BTBD2: variants seen among roughly 807,000 people sequenced by gnomAD.
The protein encoded by BTBD2 is BTB domain containing 2.
In BTBD2, 15 loss-of-function variants were observed where a neutral mutation model predicts 44.0. The observed-to-expected ratio is 0.34, with a 90% confidence interval of 0.23 to 0.53. The LOEUF (loss-of-function observed/expected upper bound fraction) is 0.53. BTBD2 is among the 20% of genes least tolerant of loss of function. BTBD2 has a pLI of 0.95. For missense variants in BTBD2, 657 were observed against 746.4 expected (o/e 0.88, Z 1.39); for synonymous variants, 443 against 335.9 (o/e 1.32, Z -3.49).
intron 1 of BTBD2, among the ~76,000 whole-genome samples, chr19:2,010,623 T>C (rs1174180346): frequency 6.7e-6 from 1 of 149,186 alleles, no homozygotes; most frequent in African/African-American, 2.4e-5. Flanking sequence ...CACCCCCAGT[T>C]CGTCCCGACA....
intron 1 of BTBD2, among the ~76,000 whole-genome samples, chr19:2,002,065 AT>A (rs530593681): frequency 6.9e-4 from 104 of 151,670 alleles, no homozygotes; most frequent in African/African-American, 2.5e-3. Flanking sequence ...TAAATCTTTC[AT>A]TTATTTTTAT....
intron 2 of BTBD2, among the ~76,000 whole-genome samples, chr19:1,995,299 TGAGAGGGAGTC>T (rs2016236564): frequency 8.4e-6 from 1 of 118,828 alleles, no homozygotes; most frequent in African/African-American, 3.6e-5. Context: ...TTTTTTTTTT[TGAGAGGGAGTC>T]TTGCTCTGTT....
chr19:2,014,263 G>A (rs897564988), intron 1 of BTBD2: 5 of 152,360 alleles, frequency 3.3e-5, no homozygotes, highest in Non-Finnish European at 5.8e-5. Flanking sequence ...GGGATGGAGG[G>A]GTCCTGAGGA....
chr19:1,992,729 G>A (rs1284170818), intron 3 of BTBD2, among the ~76,000 whole-genome samples: 2 of 151,974 alleles, frequency 1.3e-5, no homozygotes, highest in Admixed American at 6.5e-5. Flanking sequence ...CCGCCACCAC[G>A]CCCGGCTCTT....
chr19:2,013,410 G>A (rs1216658086), intron 1 of BTBD2: 1 of 679,530 alleles, frequency 1.5e-6, no homozygotes, highest in Non-Finnish European at 1.8e-6. Context: ...GCTGGGGAGG[G>A]AGGGACCCCG....
intron 1 of BTBD2, among the ~76,000 whole-genome samples, chr19:1,998,486 G>T (rs1462738262): frequency 6.6e-6 from 1 of 152,218 alleles, no homozygotes; most frequent in East Asian, 1.9e-4. Flanking sequence ...TGGCTGTGAG[G>T]ACGCTGGGGG....
Position 1,990,001 on chromosome 19 carries a change from T to TA in BTBD2, c.988+2dup. Reference sequence around the variant, plus strand: ...ACCAGCCCCTGAGCCCGAGCTCTGTTACCTGCAGCGAACTCCTCGATGGTC... The same window carrying TA: ...ACCAGCCCCTGAGCCCGAGCTCTGTTAACCTGCAGCGAACTCCTCGATGGTC... On this transcript the variant is annotated splice_region_variant and intron_variant, in intron 5 of 8. Coordinates refer to ENST00000255608, the MANE Select transcript of BTBD2 (RefSeq NM_017797.4). 2 of 1,613,156 alleles carry TA rather than the reference T, an allele frequency of 1.2e-6. No individual in the cohort carries two copies. The highest frequency in any genetic ancestry group is 1.7e-6 in the Non-Finnish European group (2 of 1,179,972).
chr19:2,000,583 G>A (rs1365827331), intron 1 of BTBD2, among the ~76,000 whole-genome samples: 2 of 152,142 alleles, frequency 1.3e-5, no homozygotes, highest in Admixed American at 1.3e-4. Flanking sequence ...GGAGACACCT[G>A]CATGGGCCTT....
At chr19:2,012,153 C>CCCTTAGACT (rs1568224210) in intron 1 of BTBD2, among the ~76,000 whole-genome samples, 10 of 145,238 alleles carry the variant, frequency 6.9e-5, no homozygotes, top group African/African-American at 2.3e-4. Flanking sequence ...CGCGCCCAGC[C>CCCTTAGACT]TGTCCTTTAT....
At chr19:2,011,396 A>G (rs2016462876) in intron 1 of BTBD2, among the ~76,000 whole-genome samples, 1 of 151,570 alleles carries the variant, frequency 6.6e-6, no homozygotes, top group Non-Finnish European at 1.5e-5. Flanking sequence ...TTCCACCCTC[A>G]ATGCGGATCT....
Position 1,993,011 on chromosome 19 carries a change from C to G in BTBD2, c.684+9G>C. ...GGCCCCGCCCCCGCCTCGTACCGGC[C>G]CCGCCCACCTGCGTGAGCAGCATGA... On this transcript the variant is annotated intron_variant, in intron 3 of 8. Transcript: ENST00000255608. 1 of 1,570,906 alleles carries G rather than the reference C, an allele frequency of 6.4e-7. No homozygotes were observed. The highest frequency in any genetic ancestry group is 8.6e-7 in the Non-Finnish European group (1 of 1,166,154).
chr19:1,987,477 C>A (rs769050084), intron 6 of BTBD2, 23 bp downstream of exon 6: 5 of 1,539,752 alleles, frequency 3.2e-6, no homozygotes, highest in Admixed American at 2.0e-5. Context: ...TCCGGACCCC[C>A]CCGCCTGCAC....
At chr19:2,015,260 G>T in intron 1 of BTBD2, 37 bp downstream of exon 1, 1 of 1,522,062 alleles carries the variant, frequency 6.6e-7, no homozygotes, top group East Asian at 2.5e-5. Context: ...CAGGCTGGGT[G>T]GGTCGGGGCC....
chr19:2,012,809 T>A (rs2016483686), intron 1 of BTBD2, among the ~76,000 whole-genome samples: 1 of 152,134 alleles, frequency 6.6e-6, no homozygotes, highest in Non-Finnish European at 1.5e-5. Flanking sequence ...CAGCGGTCCC[T>A]CAAGTGCAAT....
At chr19:2,007,356 T>G (rs1221176163) in intron 1 of BTBD2, among the ~76,000 whole-genome samples, 1 of 152,216 alleles carries the variant, frequency 6.6e-6, no homozygotes, top group Non-Finnish European at 1.5e-5. Flanking sequence ...TGGCTTTTTG[T>G]GCTGCTACGG....
At chr19:1,999,831 G>GGCA (rs1327779567) in intron 1 of BTBD2, among the ~76,000 whole-genome samples, 1 of 151,882 alleles carries the variant, frequency 6.6e-6, no homozygotes, top group Non-Finnish European at 1.5e-5. Context: ...GCGTGGTGGT[G>GGCA]GGTGCCTGTA....
chr19:2,015,078 G>A (rs1313170888), intron 1 of BTBD2, among the ~76,000 whole-genome samples: 1 of 150,270 alleles, frequency 6.7e-6, no homozygotes, highest in African/African-American at 2.5e-5. Context: ...GGGACAGAGG[G>A]GTGCAGGGCC....
intron 1 of BTBD2, among the ~76,000 whole-genome samples, chr19:2,006,986 C>G (rs1209401916): frequency 2.6e-5 from 4 of 151,996 alleles, no homozygotes; most frequent in Non-Finnish European, 5.9e-5. Context: ...GCCTCCCAAG[C>G]AGCTGGGATT....
rs2016155981 is a variant in BTBD2 at position 1,990,259 on chromosome 19, AGG to A, written c.791-60_791-59del. ...GACACCCACATGCCCACCCTGCAGG[AGG>A]CAGTGAGACTAACGTGAGGACCAGC... is the stretch of plus-strand genomic sequence containing the variant. On this transcript the variant is annotated intron_variant, in intron 4 of 8. Transcript: ENST00000255608. The A allele has an allele frequency of 1.7e-5, 26 of 1,529,686 alleles. No homozygotes were observed. The East Asian group carries it at 6.1e-4, about 36-fold the overall frequency. The allele number at this position is 1,529,686 out of a possible 1,614,324, so 94.8% of individuals were successfully genotyped here. A position where few individuals can be genotyped will look rare whatever the true frequency, so the allele number is the denominator to read the frequency against.
Sources: allele counts gnomAD v4.1 joint callset (sites outside exome capture counted in the v4.1 genomes callset), GRCh38; gene constraint gnomAD v4.1.1; transcripts MANE v1.5; gene names NCBI Gene and HGNC (gene_info 2026-07-23, HGNC 2026-07-21).